C2CD5: variants seen among roughly 807,000 people sequenced by gnomAD.
C2CD5 encodes the protein C2 calcium dependent domain containing 5.
Under a neutral mutation model 130.3 loss-of-function variants are expected in C2CD5, and 109 were observed. The observed-to-expected ratio is 0.84, with a 90% CI of 0.72 to 0.98. The LOEUF (loss-of-function observed/expected upper bound fraction) is 0.98. Among genes scored for constraint, C2CD5 ranks in the 50% least tolerant of loss-of-function variants. The pLI, the probability that C2CD5 is intolerant of heterozygous loss-of-function variation, is 0.00. For missense variants in C2CD5, 996 were observed against 1,261.8 expected (o/e 0.79, Z 3.19); for synonymous variants, 454 against 429.2 (o/e 1.06, Z -0.71).
intron 26 of C2CD5, 64 bp downstream of exon 26, chr12:22,453,832 G>T (rs999175358): frequency 1.1e-5 from 16 of 1,478,042 alleles, no homozygotes; most frequent in Non-Finnish European, 1.5e-5. Context: ...GGGGGTTAGG[G>T]GTAGGAAGCC....
intron 7 of C2CD5, among the ~76,000 whole-genome samples, chr12:22,518,796 T>C (rs1950005851): frequency 6.6e-6 from 1 of 152,208 alleles, no homozygotes; most frequent in Admixed American, 6.5e-5. Context: ...AATTTTATTT[T>C]TAAACAAATG....
At chr12:22,450,936 G>C (rs984600427) in intron 26 of C2CD5, among the ~76,000 whole-genome samples, 2 of 151,998 alleles carry the variant, frequency 1.3e-5, no homozygotes, top group Admixed American at 6.6e-5. Context: ...AGAAAAAGCA[G>C]GTGAAAGAGA....
chr12:22,502,331 T>G (rs1038950989), intron 10 of C2CD5, among the ~76,000 whole-genome samples: 2 of 152,126 alleles, frequency 1.3e-5, no homozygotes, highest in African/African-American at 4.8e-5. Flanking sequence ...TATTCAAATC[T>G]AAATGTGCAT....
Position 22,518,042 on chromosome 12 carries a change from G to A in C2CD5, c.896C>T (p.Ser299Phe). 3.1e-6 allele frequency: 5 copies of A among 1,614,004 alleles called. No individual in the cohort carries two copies. The highest frequency in any genetic ancestry group is 4.2e-6 in the Non-Finnish European group (5 of 1,179,884). ...AGAAGAAGAGGACTGTCGACTGTAG[G>A]ACTTGGAAGGTGAAAAGGAATAAGT... ...NQTYSFSPSKSYSRQSSSSDT... is the reference protein window; with the variant it reads ...NQTYSFSPSKFYSRQSSSSDT... Residue 299 changes from serine (S) to phenylalanine (F), a missense_variant, in exon 8 of 27, where the codon TCC becomes TTC. Ser to Phe is a radical substitution (Grantham distance 155, BLOSUM62 -2). Coordinates refer to ENST00000446597, the MANE Select transcript of C2CD5 (RefSeq NM_001286176.2).
chr12:22,477,442 G>A (rs1254785536), intron 15 of C2CD5: 2 of 152,100 alleles, frequency 1.3e-5, no homozygotes, highest in Non-Finnish European at 2.9e-5. Flanking sequence ...CAGACACACT[G>A]TTCCAGAAGA....
chr12:22,470,900 C>T lies in C2CD5; in HGVS notation c.2370G>A (p.Thr790=), dbSNP rs909113854. ...TTTTGTCAAAAGTGATTGCGACTGC[C>T]GTGACTGTAACCTAGAATTATAAAA... is the stretch of plus-strand genomic sequence containing the variant. ...PEDELIQVTV[T]AVAITFDKNQ... is the part of the protein sequence containing the mutation. The change falls in exon 21 of 27, where the codon ACG becomes ACA. Residue 790 remains threonine, a synonymous_variant. Transcript: ENST00000446597. The T allele has an allele frequency of 2.1e-5, 33 of 1,609,538 alleles. No individual in the cohort carries two copies. Among genetic ancestry groups the T allele is most frequent in the African/African-American group, 6.7e-5 (5 of 74,742 alleles).
At chr12:22,511,011 T>C (rs746634237) in intron 9 of C2CD5, among the ~76,000 whole-genome samples, 14 of 152,222 alleles carry the variant, frequency 9.2e-5, no homozygotes, top group Non-Finnish European at 1.6e-4. Flanking sequence ...AAAAAATTCA[T>C]AGGTGGAACT....
chr12:22,470,683 C>T, intron 21 of C2CD5, 141 bp downstream of exon 21: 1 of 603,238 alleles, frequency 1.7e-6, no homozygotes, highest in Non-Finnish European at 2.9e-6. Context: ...ACACAGTTAT[C>T]TTCATAAAGA....
intron 5 of C2CD5, among the ~76,000 whole-genome samples, chr12:22,524,927 T>TA (rs1443015531): frequency 6.6e-6 from 1 of 151,020 alleles, no homozygotes; most frequent in Non-Finnish European, 1.5e-5. Flanking sequence ...ATACAAAGTT[T>TA]AAAAAATCAA....
intron 12 of C2CD5, among the ~76,000 whole-genome samples, chr12:22,485,677 G>C (rs1417200597): frequency 6.6e-6 from 1 of 152,108 alleles, no homozygotes. Context: ...TTGAATTTCA[G>C]TTTGTTTGAA....
At chr12:22,498,527 A>C (rs12320407) in intron 10 of C2CD5, among the ~76,000 whole-genome samples, 74 of 152,362 alleles carry the variant, frequency 4.9e-4, no homozygotes, top group African/African-American at 1.8e-3. Flanking sequence ...TTTATAGGAC[A>C]TAACTACTCA....
At chr12:22,471,327 T>A in intron 20 of C2CD5, 72 bp downstream of exon 20, 1 of 870,334 alleles carries the variant, frequency 1.1e-6, no homozygotes, top group South Asian at 1.7e-5. Flanking sequence ...TACGGCAAAA[T>A]TATGATAAAC....
intron 3 of C2CD5, among the ~76,000 whole-genome samples, chr12:22,530,278 CTG>C (rs1951151553): frequency 6.8e-6 from 1 of 146,810 alleles, no homozygotes; most frequent in Non-Finnish European, 1.5e-5. Context: ...ATATACACAA[CTG>C]TGTGTGTATA....
intron 9 of C2CD5, among the ~76,000 whole-genome samples, chr12:22,509,502 T>G (rs1169150370): frequency 6.6e-6 from 1 of 152,138 alleles, no homozygotes; most frequent in Non-Finnish European, 1.5e-5. Context: ...TGTCCCCAGT[T>G]CACCTAATCG....
chr12:22,461,691 T>C (rs1423593328), intron 22 of C2CD5, among the ~76,000 whole-genome samples: 1 of 152,118 alleles, frequency 6.6e-6, no homozygotes, highest in Non-Finnish European at 1.5e-5. Flanking sequence ...TATTCAAATT[T>C]TTCACGATAT....
chr12:22,458,130 A>G (rs1275190074), intron 24 of C2CD5, among the ~76,000 whole-genome samples: 1 of 152,176 alleles, frequency 6.6e-6, no homozygotes, highest in Non-Finnish European at 1.5e-5. Flanking sequence ...CACACTTAAT[A>G]AACCGACAGA....
intron 15 of C2CD5, among the ~76,000 whole-genome samples, chr12:22,476,606 C>T (rs1450471501): frequency 1.3e-5 from 2 of 152,030 alleles, no homozygotes; most frequent in African/African-American, 2.4e-5. Flanking sequence ...TTAAACACAT[C>T]CCTGTCTCCA....
Position 22,518,105 on chromosome 12 carries a change from G to A in C2CD5, c.833C>T (p.Thr278Ile). 3 of 1,613,786 alleles carry A rather than the reference G, an allele frequency of 1.9e-6. No individual in the cohort carries two copies. Among genetic ancestry groups the A allele is most frequent in the Non-Finnish European group, 2.5e-6 (3 of 1,179,692 alleles). The change falls in exon 8 of 27, where the codon ACT becomes ATT. Residue 278 changes from threonine (T) to isoleucine (I), a missense_variant. Physicochemically the swap from Thr to Ile is moderately conservative, Grantham distance 89. This residue lies in a region of C2CD5 where 156 missense variants were observed against 165.9 expected (regional missense o/e 0.94). Coordinates refer to ENST00000446597, the MANE Select transcript of C2CD5 (RefSeq NM_001286176.2). ...IPFNEDPNPN[T>I]HSSGPSTPLK... ...AGGGGTTGAGGGTCCTGATGAGTGA[G>A]TATTGGGATTGGGATCTTCATTGAA...
At chr12:22,490,746 T>C (rs1231143412) in intron 11 of C2CD5, among the ~76,000 whole-genome samples, 2 of 152,094 alleles carry the variant, frequency 1.3e-5, no homozygotes, top group Non-Finnish European at 2.9e-5. Flanking sequence ...TACATCATCA[T>C]ATAACAGAAA....
Sources: gnomAD v4.1 joint callset for allele counts (sites outside exome capture counted in the v4.1 genomes callset) on GRCh38, gnomAD v4.1.1 for gene constraint, gnomAD v4.1.1 regional missense constraint, MANE v1.5 for transcripts, NCBI Gene and HGNC (gene_info 2026-07-23, HGNC 2026-07-21) for gene names.